The following PKD1L1 variants were observed in gnomAD, a reference collection of about 807,000 sequenced individuals.
The protein encoded by PKD1L1 is polycystin 1 like 1, transient receptor potential channel interacting, also known as polycystin-1-like protein 1.
A neutral mutation model predicts 323.4 loss-of-function variants in PKD1L1; 236 were observed. The ratio of observed to expected loss-of-function variants is 0.73; its 90% CI spans 0.66 to 0.81. PKD1L1 has a LOEUF of 0.81. PKD1L1 is among the 40% of genes least tolerant of loss of function. PKD1L1 has a pLI of 0.00. For missense variants in PKD1L1, 3,320 were observed against 3,508.0 expected, an observed-to-expected ratio of 0.95 and a Z score of 1.35; for synonymous variants, 1,344 against 1,335.0, an observed-to-expected ratio of 1.01 and a Z score of -0.15.
upstream of PKD1L1, among the ~76,000 whole-genome samples, chr7:47,949,740 A>G (rs1583700010): frequency 2.6e-5 from 4 of 152,320 alleles, no homozygotes; most frequent in South Asian, 8.3e-4. Context: ...TACCAAGAAG[A>G]GTGGGAACGT....
At chr7:47,960,398 T>TAATAAAA in the PKD1L1 span, among the ~76,000 whole-genome samples, 1 of 107,602 alleles carries the variant, frequency 9.3e-6, no homozygotes, top group Admixed American at 1.1e-4. Context: ...AAAAAAACTG[T>TAATAAAA]AAAAAAGAAA....
intron 41 of PKD1L1, 85 bp from the exon 42 acceptor site, chr7:47,831,437 G>A: frequency 6.6e-7 from 1 of 1,505,072 alleles, no homozygotes; most frequent in Non-Finnish European, 8.9e-7. Flanking sequence ...AATCTTAGGT[G>A]TCAACTAGGC....
chr7:47,889,180 GC>G (rs1786753303), intron 16 of PKD1L1, among the ~76,000 whole-genome samples: 1 of 152,112 alleles, frequency 6.6e-6, no homozygotes, highest in South Asian at 2.1e-4. Context: ...GGTCCCTCCA[GC>G]CCCAGACCTC....
intron 37 of PKD1L1, 29 bp downstream of exon 37, chr7:47,836,892 C>G: frequency 6.2e-7 from 1 of 1,603,944 alleles, no homozygotes; most frequent in East Asian, 2.2e-5. Context: ...GATCTGGAAG[C>G]TGCTATAAGG....
chr7:47,789,964 C>G (rs1253337923), intron 56 of PKD1L1, among the ~76,000 whole-genome samples: 1 of 151,958 alleles, frequency 6.6e-6, no homozygotes, highest in African/African-American at 2.4e-5. Flanking sequence ...TCTCGGCTCA[C>G]CGCAACCTCT....
chr7:47,940,444 C>G, intron 2 of PKD1L1, 127 bp from the exon 3 acceptor site: 1 of 861,472 alleles, frequency 1.2e-6, no homozygotes, highest in East Asian at 2.7e-5. Flanking sequence ...ACGGGCTGAT[C>G]ATGAAGATGC....
chr7:47,929,429 C>T lies in PKD1L1; in HGVS notation c.835G>A (p.Val279Met), dbSNP rs889722458. 3.7e-6 allele frequency: 6 copies of T among 1,614,092 alleles called. No homozygotes were observed. Among genetic ancestry groups the T allele is most frequent in the Non-Finnish European group, 5.1e-6 (6 of 1,179,972 alleles). Residue 279 changes from valine to methionine, a missense_variant, in exon 7 of 57, where the codon GTG becomes ATG. Physicochemically the swap from Val to Met is conservative, Grantham distance 21 (BLOSUM62 1). Coordinates refer to ENST00000289672, the MANE Select transcript of PKD1L1 (RefSeq NM_138295.5). The part of the protein sequence containing the change: ...ILYPPTQHPP[V>M]AILARNSDNF... ...TCAGAATTTCGAGCTAGGATGGCCACAGGAGGATGCTGAGTAGGGGGATAG... is the reference window on the plus strand; with the variant it reads ...TCAGAATTTCGAGCTAGGATGGCCATAGGAGGATGCTGAGTAGGGGGATAG...
At position 47,873,676 on chromosome 7, in the gene PKD1L1, G is replaced by A. The variant is rs118135269; in HGVS notation, c.3896+223C>T. 0.24 allele frequency among the ~76,000 whole-genome samples: 30,179 copies of A among 127,672 alleles called. 4,363 individuals are homozygous for A. The highest frequency in any genetic ancestry group is 0.32 in the African/African-American group (10,361 of 32,036). The allele number at this position is 127,672 out of a possible 152,430, so 83.8% of individuals were successfully genotyped here. A position where few individuals can be genotyped will look rare whatever the true frequency, so the allele number is the denominator to read the frequency against. ...AAAAAAAAAAAAAAAAAAAAAGAAGGAGAAGAAAGTAGCTTTATAGGCTCT... is the reference window on the plus strand; with the variant it reads ...AAAAAAAAAAAAAAAAAAAAAGAAGAAGAAGAAAGTAGCTTTATAGGCTCT... On this transcript the variant is annotated intron_variant, in intron 24 of 56. Coordinates refer to ENST00000289672, the MANE Select transcript of PKD1L1 (RefSeq NM_138295.5).
At chr7:47,904,265 C>T (rs1489623883) in intron 12 of PKD1L1, 113 bp downstream of exon 12, 2 of 1,413,290 alleles carry the variant, frequency 1.4e-6, no homozygotes, top group Non-Finnish European at 1.9e-6. Context: ...AATCATCTGT[C>T]ACCTACGTTG....
At chr7:47,953,781 C>T in the PKD1L1 span, among the ~76,000 whole-genome samples, 8 of 152,320 alleles carry the variant, frequency 5.3e-5, no homozygotes, top group East Asian at 7.7e-4. Context: ...ACTTCCCTCA[C>T]GAGGGCCCCT....
chr7:47,891,771 T>A (rs1462568634), intron 15 of PKD1L1, among the ~76,000 whole-genome samples: 1 of 152,166 alleles, frequency 6.6e-6, no homozygotes, highest in African/African-American at 2.4e-5. Context: ...GGAGCTCTTG[T>A]TTTTGGGCAC....
At chr7:47,820,370 T>C (rs1192902432) in intron 46 of PKD1L1, among the ~76,000 whole-genome samples, 3 of 152,152 alleles carry the variant, frequency 2.0e-5, no homozygotes, top group African/African-American at 4.8e-5. Flanking sequence ...CTACTACTTA[T>C]AGAAAGAAGG....
the PKD1L1 span, among the ~76,000 whole-genome samples, chr7:47,960,377 T>TAAA: frequency 0.032 from 2,895 of 89,448 alleles, 116 homozygotes; most frequent in African/African-American, 0.076. Flanking sequence ...AAAAAAAAAT[T>TAAA]AAAAAAAAAA....
In PKD1L1 at chr7:47,811,906, T is replaced by A; in HGVS notation, c.7492A>T (p.Thr2498Ser). The change falls in exon 50 of 57, where the codon ACG becomes TCG. Residue 2498 changes from threonine to serine, a missense_variant. Thr to Ser is a moderately conservative substitution (Grantham distance 58). Transcript: ENST00000289672. ...SVSLRVEILPTGSLVPSSLVE... is the reference protein window; with the variant it reads ...SVSLRVEILPSGSLVPSSLVE... ...AGGGATGAGGGGACGAGACTCCCCG[T>A]AGGGAGGATCTCCACTCTCAGGGAC... 1 of 1,610,460 alleles carries A rather than the reference T, an allele frequency of 6.2e-7. No individual in the cohort carries two copies. The highest frequency in any genetic ancestry group is 8.5e-7 in the Non-Finnish European group (1 of 1,178,592).
intron 28 of PKD1L1, among the ~76,000 whole-genome samples, chr7:47,856,002 G>C (rs1416949450): frequency 6.6e-6 from 1 of 151,750 alleles, no homozygotes; most frequent in Non-Finnish European, 1.5e-5. Context: ...ATGTAATAGA[G>C]TACATATTTG....
At chr7:47,861,946 G>A (rs1391878636) in intron 26 of PKD1L1, among the ~76,000 whole-genome samples, 1 of 142,338 alleles carries the variant, frequency 7.0e-6, no homozygotes. Flanking sequence ...TGTAATCCCA[G>A]CACTTTGGGA....
chr7:47,891,558 G>C (rs1181772886), intron 15 of PKD1L1, among the ~76,000 whole-genome samples: 1 of 152,240 alleles, frequency 6.6e-6, no homozygotes, highest in African/African-American at 2.4e-5. Context: ...GCATTTCTCT[G>C]TCTGGTGTGC....
chr7:47,807,603 C>T (rs186722057), intron 52 of PKD1L1, among the ~76,000 whole-genome samples: 2 of 152,256 alleles, frequency 1.3e-5, no homozygotes, highest in East Asian at 3.9e-4. Flanking sequence ...GCTCATCTTC[C>T]ACCACCACAG....
At chr7:47,951,501 T>C (rs985352490), upstream of PKD1L1, among the ~76,000 whole-genome samples, 1 of 152,202 alleles carries the variant, frequency 6.6e-6, no homozygotes, top group East Asian at 1.9e-4. Flanking sequence ...AGTATGCACA[T>C]AGTTCAGAAT....
Sources: allele counts gnomAD v4.1 joint callset (sites outside exome capture counted in the v4.1 genomes callset), GRCh38; gene constraint gnomAD v4.1.1; transcripts MANE v1.5; gene names NCBI Gene and HGNC (gene_info 2026-07-23, HGNC 2026-07-21).